Variants in ATE1 observed in about 807,000 individuals in gnomAD.
The protein encoded by ATE1 is arginyl-tRNA--protein transferase 1.
Under a neutral mutation model 70.5 loss-of-function variants are expected in ATE1, and 36 were observed. The ratio of observed to expected loss-of-function variants is 0.51; its 90% CI spans 0.39 to 0.67. The LOEUF is 0.67. ATE1 is among the 30% of genes least tolerant of loss of function. The pLI is 0.00. For missense variants in ATE1, 593 were observed against 629.5 expected, an observed-to-expected ratio of 0.94 and a Z score of 0.62; for synonymous variants, 232 against 219.3, an observed-to-expected ratio of 1.06 and a Z score of -0.51.
intron 10 of ATE1, among the ~76,000 whole-genome samples, chr10:121,797,856 C>T (rs888831211): frequency 6.6e-6 from 1 of 152,162 alleles, no homozygotes; most frequent in Non-Finnish European, 1.5e-5. Flanking sequence ...TCCTCCCTAC[C>T]GTTTTACTTC....
At chr10:121,887,464 C>T (rs898948670) in intron 7 of ATE1, among the ~76,000 whole-genome samples, 8 of 152,128 alleles carry the variant, frequency 5.3e-5, no homozygotes, top group African/African-American at 1.7e-4. Flanking sequence ...AATGCCAGTA[C>T]TTTAGCAGGT....
At chr10:121,906,790 G>A (rs911196379) in intron 5 of ATE1, among the ~76,000 whole-genome samples, 2 of 152,062 alleles carry the variant, frequency 1.3e-5, no homozygotes, top group African/African-American at 4.8e-5. Context: ...ATGGAGATGG[G>A]GTTTCACCAT....
intron 7 of ATE1, among the ~76,000 whole-genome samples, chr10:121,892,758 A>G (rs981085535): frequency 3.3e-5 from 5 of 152,084 alleles, no homozygotes; most frequent in African/African-American, 1.2e-4. Context: ...CAGGTGATCC[A>G]CCTGCCTTGG....
chr10:121,827,220 G>T (rs1341236072), intron 10 of ATE1, among the ~76,000 whole-genome samples: 1 of 152,056 alleles, frequency 6.6e-6, no homozygotes, highest in African/African-American at 2.4e-5. Context: ...CACCATGTTG[G>T]CCAGGATGGT....
At chr10:121,858,433 C>A (rs899269285) in intron 8 of ATE1, among the ~76,000 whole-genome samples, 8 of 151,682 alleles carry the variant, frequency 5.3e-5, no homozygotes, top group Admixed American at 6.6e-5. Flanking sequence ...TGATGCTGAA[C>A]AAATGACAAA....
chr10:121,921,673 CG>C (rs1389274872), intron 3 of ATE1, among the ~76,000 whole-genome samples: 2 of 152,194 alleles, frequency 1.3e-5, no homozygotes, highest in East Asian at 3.9e-4. Flanking sequence ...ACCTAGATAA[CG>C]GACATCTGGG....
intron 7 of ATE1, among the ~76,000 whole-genome samples, chr10:121,886,147 G>A (rs1359620137): frequency 6.6e-6 from 1 of 152,112 alleles, no homozygotes; most frequent in Non-Finnish European, 1.5e-5. Flanking sequence ...TACTCAACCT[G>A]TAGCACCAGC....
chr10:121,743,812 G>A lies in ATE1; in HGVS notation c.1425C>T (p.His475=), dbSNP rs763588722. The A allele has an allele frequency of 4.3e-6, 7 of 1,613,194 alleles. No individual in the cohort carries two copies. In the East Asian group the frequency reaches 1.3e-4, roughly 31 times the overall value. The change falls in exon 12 of 12, where the codon CAC becomes CAT. Residue 475 remains histidine, a synonymous_variant. Transcript: ENST00000224652. The part of the protein sequence containing the change: ...STEPDRLQVF[H]KRAIMPYGVY... ...CACCGTAAGGCATGATGGCTCTCTT[G>A]TGAAACACCTGCAATCGGTCAGGTT... is the stretch of plus-strand genomic sequence containing the variant.
At chr10:121,861,749 T>TA (rs5788519) in intron 8 of ATE1, among the ~76,000 whole-genome samples, 41,774 of 147,718 alleles carry the variant, frequency 0.28, 6,872 homozygotes, top group East Asian at 0.4. Flanking sequence ...TAAAGTATAA[T>TA]AAAAAAAAAA....
rs1944180449 is a variant in ATE1 at position 121,742,474 on chromosome 10, G to C, written c.*1206C>G. 6.6e-6 allele frequency: 1 copy of C among 152,132 alleles called. No homozygotes were observed. Among genetic ancestry groups the C allele is most frequent in the South Asian group, 2.1e-4 (1 of 4,826 alleles). The allele number at this position is 152,132 out of a possible 1,614,324, so 9.4% of individuals were successfully genotyped here. Reference sequence around the variant, plus strand: ...GAAGAGGGGATCAGCTGACAAAGAGGGCACAAGAAAATAACCCTCCTGTTT... The same window carrying C: ...GAAGAGGGGATCAGCTGACAAAGAGCGCACAAGAAAATAACCCTCCTGTTT... On this transcript the variant is annotated 3_prime_UTR_variant, in exon 12 of 12. Coordinates refer to ENST00000224652, the MANE Select transcript of ATE1 (RefSeq NM_001001976.3).
At position 121,833,564 on chromosome 10, in the gene ATE1, G is replaced by C. The variant is rs141398943; in HGVS notation, c.1257+3154C>G. 3.9e-3 allele frequency among the ~76,000 whole-genome samples: 592 copies of C among 151,686 alleles called. 3 individuals carry two copies. Among genetic ancestry groups the C allele is most frequent in the African/African-American group, 0.014 (563 of 41,378 alleles). On this transcript the variant is annotated intron_variant, in intron 10 of 11. Transcript: ENST00000224652. ...GGTGAATGATGAAATCTAGTCTTAA[G>C]AGTCCAGTAGAGATTACTGGAGTTG...
chr10:121,846,700 C>A (rs368442362), intron 8 of ATE1: 2 of 148,110 alleles, frequency 1.4e-5, no homozygotes, highest in Non-Finnish European at 3.0e-5. Flanking sequence ...ACTAGCCTGC[C>A]TAAATAAATA....
intron 7 of ATE1, among the ~76,000 whole-genome samples, chr10:121,871,483 A>C (rs2134030684): frequency 6.6e-6 from 1 of 152,244 alleles, no homozygotes; most frequent in East Asian, 1.9e-4. Context: ...AAGTAAGATA[A>C]AACAGACTAG....
intron 10 of ATE1, among the ~76,000 whole-genome samples, chr10:121,803,133 C>T (rs779369889): frequency 3.3e-5 from 5 of 152,248 alleles, no homozygotes; most frequent in African/African-American, 1.2e-4. Context: ...CCTTCCACCC[C>T]CTGACCTAAA....
chr10:121,833,552 A>G (rs1948326082), intron 10 of ATE1, among the ~76,000 whole-genome samples: 1 of 151,648 alleles, frequency 6.6e-6, no homozygotes, highest in South Asian at 2.1e-4. Context: ...GAATGATGAA[A>G]TCTAGTCTTA....
chr10:121,927,016 G>A, intron 1 of ATE1: 1 of 985,418 alleles, frequency 1.0e-6, no homozygotes, highest in Non-Finnish European at 1.2e-6. Flanking sequence ...GAAAATGCCT[G>A]TGTGTTTTCA....
chr10:121,861,123 T>TA (rs1207811180), intron 8 of ATE1, among the ~76,000 whole-genome samples: 1 of 152,132 alleles, frequency 6.6e-6, no homozygotes, highest in Non-Finnish European at 1.5e-5. Context: ...CAGATGACCC[T>TA]AATTTTCAAC....
intron 8 of ATE1, among the ~76,000 whole-genome samples, chr10:121,867,907 AT>A (rs1178607937): frequency 6.6e-6 from 1 of 152,090 alleles, no homozygotes; most frequent in Non-Finnish European, 1.5e-5. Context: ...GTACATTTAG[AT>A]TGTTTACAAT....
chr10:121,752,724 T>C (rs540845964), intron 11 of ATE1, among the ~76,000 whole-genome samples: 1 of 152,324 alleles, frequency 6.6e-6, no homozygotes, highest in African/African-American at 2.4e-5. Flanking sequence ...GAGGGTTTAT[T>C]TCTGGACTCT....
Sources: allele counts gnomAD v4.1 joint callset (sites outside exome capture counted in the v4.1 genomes callset), GRCh38; gene constraint gnomAD v4.1.1; transcripts MANE v1.5; gene names NCBI Gene and HGNC (gene_info 2026-07-23, HGNC 2026-07-21).